The following RPS6KA5 variants were observed in gnomAD, a reference collection of about 807,000 sequenced individuals.
RPS6KA5 encodes ribosomal protein S6 kinase A5.
RPS6KA5 carries 27 observed loss-of-function variants against 85.5 expected under a neutral mutation model. That is an observed-to-expected ratio of 0.32 (90% CI 0.23 to 0.44). RPS6KA5 has a LOEUF of 0.44. Ranked by LOEUF, RPS6KA5 falls within the 20% of genes least tolerant of loss-of-function variation. The pLI is 1.00. For synonymous variants in RPS6KA5, 334 were observed against 348.2 expected, an observed-to-expected ratio of 0.96 and a Z score of 0.46; for missense variants, 811 against 980.9, an observed-to-expected ratio of 0.83 and a Z score of 2.31.
chr14:91,001,018 T>C (rs1288742563), intron 2 of RPS6KA5, 70 bp downstream of exon 2: 13 of 845,664 alleles, frequency 1.5e-5, no homozygotes, highest in East Asian at 1.5e-4. Context: ...GTATTGGGGA[T>C]ATCAATCCTT....
chr14:90,889,437 T>C (rs2034430140), intron 14 of RPS6KA5, among the ~76,000 whole-genome samples: 2 of 151,992 alleles, frequency 1.3e-5, no homozygotes, highest in Admixed American at 1.3e-4. Context: ...AGATGAAAAC[T>C]GATAGCCAAT....
chr14:90,898,337 C>T (rs957882093), intron 12 of RPS6KA5, among the ~76,000 whole-genome samples: 2 of 152,144 alleles, frequency 1.3e-5, no homozygotes, highest in African/African-American at 4.8e-5. Context: ...ATGGCAGCAG[C>T]TATTATGGTT....
chr14:91,011,238 A>G (rs2041242793), intron 1 of RPS6KA5, among the ~76,000 whole-genome samples: 1 of 152,194 alleles, frequency 6.6e-6, no homozygotes, highest in African/African-American at 2.4e-5. Context: ...CTGTAATCCA[A>G]GCACTTTGGG....
intron 3 of RPS6KA5, among the ~76,000 whole-genome samples, chr14:90,953,436 G>A (rs1434337462): frequency 1.3e-5 from 2 of 152,128 alleles, no homozygotes; most frequent in Non-Finnish European, 2.9e-5. Context: ...ATTGTAAAAC[G>A]TGTGTTTGAA....
chr14:90,895,048 G>A (rs1281025776), intron 12 of RPS6KA5, among the ~76,000 whole-genome samples: 1 of 152,140 alleles, frequency 6.6e-6, no homozygotes, highest in African/African-American at 2.4e-5. Flanking sequence ...TTAAACTGCT[G>A]ACAATAATGT....
At chr14:90,894,389 G>GT (rs77438853) in intron 13 of RPS6KA5, 24 bp downstream of exon 13, 354,575 of 1,608,592 alleles carry the variant, frequency 0.22, 40,340 homozygotes, top group East Asian at 0.29. Flanking sequence ...ACTGAATTAC[G>GT]TAAGAGATCC....
intron 5 of RPS6KA5, among the ~76,000 whole-genome samples, chr14:90,932,426 C>A (rs758265876): frequency 1.3e-5 from 2 of 152,042 alleles, no homozygotes; most frequent in Non-Finnish European, 2.9e-5. Flanking sequence ...AGGCATCAGC[C>A]CAGGCAATTT....
At chr14:91,016,701 C>T (rs1213279047) in intron 1 of RPS6KA5, among the ~76,000 whole-genome samples, 8 of 152,082 alleles carry the variant, frequency 5.3e-5, no homozygotes, top group East Asian at 3.9e-4. Context: ...CTCGGTTCTT[C>T]GCTTTGCTTG....
chr14:90,917,238 C>A (rs1184160758), intron 7 of RPS6KA5, among the ~76,000 whole-genome samples: 1 of 152,076 alleles, frequency 6.6e-6, no homozygotes, highest in African/African-American at 2.4e-5. Flanking sequence ...TTTTAACTCA[C>A]CCTGATTTTA....
At chr14:90,928,100 G>C (rs1257778034) in intron 5 of RPS6KA5, among the ~76,000 whole-genome samples, 2 of 151,526 alleles carry the variant, frequency 1.3e-5, no homozygotes, top group South Asian at 4.2e-4. Flanking sequence ...GCTAATTTTT[G>C]TACTTTTTGT....
chr14:91,048,444 C>G (rs1203750502), intron 1 of RPS6KA5, among the ~76,000 whole-genome samples: 1 of 152,076 alleles, frequency 6.6e-6, no homozygotes, highest in African/African-American at 2.4e-5. Flanking sequence ...AAATCAGGAA[C>G]TTTACTTCCT....
intron 1 of RPS6KA5, among the ~76,000 whole-genome samples, chr14:91,055,514 T>C (rs2043278110): frequency 6.6e-6 from 1 of 152,196 alleles, no homozygotes; most frequent in African/African-American, 2.4e-5. Context: ...GCAGGTTGGC[T>C]CACACCCGTA....
At chr14:91,055,278 T>G (rs2043266199) in intron 1 of RPS6KA5, among the ~76,000 whole-genome samples, 2 of 152,238 alleles carry the variant, frequency 1.3e-5, no homozygotes. Context: ...GTTTTACTGC[T>G]GTTACATACC....
intron 4 of RPS6KA5, among the ~76,000 whole-genome samples, chr14:90,946,679 T>A (rs2037888314): frequency 6.6e-6 from 1 of 152,166 alleles, no homozygotes; most frequent in Non-Finnish European, 1.5e-5. Flanking sequence ...ACCTGAATTG[T>A]CCTAATTTAA....
Position 90,900,652 on chromosome 14 carries a change from G to T in RPS6KA5, c.1204C>A (p.Arg402Ser), listed in dbSNP as rs745922176. ...CTGGCAACATTTGTCACTCCAGGAC[G>T]TTCAACTCCCATGTGAAACTGAAGA... ...DPLQFHMGVERPGVTNVARSA... is the reference protein window; with the variant it reads ...DPLQFHMGVESPGVTNVARSA... Residue 402 changes from arginine to serine, a missense_variant, in exon 10 of 17, where the codon CGT becomes AGT. This residue lies in a region of RPS6KA5 where 650 missense variants were observed against 793.4 expected (regional missense o/e 0.82). Transcript: ENST00000614987. 6.2e-7 allele frequency: 1 copy of T among 1,613,830 alleles called. No individual in the cohort carries two copies. The highest frequency in any genetic ancestry group is 1.1e-5 in the South Asian group (1 of 91,072).
chr14:90,875,890 C>G (rs1165163745), intron 14 of RPS6KA5, among the ~76,000 whole-genome samples: 31 of 104,542 alleles, frequency 3.0e-4, no homozygotes, highest in African/African-American at 1.0e-3. Flanking sequence ...CATCACACAC[C>G]GGGGACTGTT....
intron 7 of RPS6KA5, among the ~76,000 whole-genome samples, chr14:90,917,215 A>T (rs751961821): frequency 1.3e-5 from 2 of 152,208 alleles, no homozygotes; most frequent in Admixed American, 6.5e-5. Context: ...ATAATTTTTC[A>T]TAAGAGGTGA....
intron 1 of RPS6KA5, among the ~76,000 whole-genome samples, chr14:91,002,932 A>C (rs1307653783): frequency 6.6e-6 from 1 of 152,176 alleles, no homozygotes; most frequent in Non-Finnish European, 1.5e-5. Flanking sequence ...TCACATTGAC[A>C]TCAGTATAGA....
rs1248983962 is a variant in RPS6KA5 at position 90,852,112 on chromosome 14, C to T, written c.*19962G>A. 3.5e-5 allele frequency: 2 copies of T among 57,328 alleles called. No homozygotes were observed. The highest frequency in any genetic ancestry group is 1.0e-4 in the African/African-American group (2 of 19,616). The allele number at this position is 57,328 out of a possible 1,614,324, so 3.6% of individuals were successfully genotyped here. A position where few individuals can be genotyped will look rare whatever the true frequency, so the allele number is the denominator to read the frequency against. On this transcript the variant is annotated 3_prime_UTR_variant, in exon 17 of 17. Coordinates refer to ENST00000614987, the MANE Select transcript of RPS6KA5 (RefSeq NM_004755.4). ...TTTTTTTTTTTTTTTTTTTTTAAGA[C>T]GGAGTCTCGCTCTGTCGCCCAGGCT...
Sources: allele counts gnomAD v4.1 joint callset (sites outside exome capture counted in the v4.1 genomes callset), GRCh38; gene constraint gnomAD v4.1.1; regional missense constraint gnomAD v4.1.1; transcripts MANE v1.5; gene names NCBI Gene and HGNC (gene_info 2026-07-23, HGNC 2026-07-21).